The following CSMD1 variants were observed in gnomAD, a reference collection of about 807,000 sequenced individuals.
CSMD1 encodes CUB and sushi domain-containing protein 1.
A neutral mutation model predicts 417.5 loss-of-function variants in CSMD1; 213 were observed. That is an observed-to-expected ratio of 0.51 (90% CI 0.46 to 0.57). The LOEUF (loss-of-function observed/expected upper bound fraction) is 0.57. CSMD1 is among the 20% of genes least tolerant of loss of function. CSMD1 has a pLI of 0.00. For missense variants in CSMD1, 6,923 were observed against 4,529.7 expected (o/e 1.53, Z -15.17); for synonymous variants, 2,862 against 1,736.8 (o/e 1.65, Z -16.11).
intron 1 of CSMD1, among the ~76,000 whole-genome samples, chr8:4,980,004 T>C (rs1418947924): frequency 6.6e-6 from 1 of 152,104 alleles, no homozygotes; most frequent in African/African-American, 2.4e-5. Context: ...TGCACTGCAC[T>C]CCAGCCTGGG....
intron 3 of CSMD1, among the ~76,000 whole-genome samples, chr8:4,335,207 G>T (rs1253455246): frequency 6.6e-6 from 1 of 151,968 alleles, no homozygotes; most frequent in African/African-American, 2.4e-5. Context: ...GCTGGCCTGG[G>T]CTCTCTTTTC....
chr8:3,946,370 G>A (rs535914429), intron 5 of CSMD1, among the ~76,000 whole-genome samples: 82 of 152,066 alleles, frequency 5.4e-4, no homozygotes, highest in African/African-American at 1.8e-3. Flanking sequence ...GTATGTGCTG[G>A]CCTGTCTCTG....
intron 1 of CSMD1, among the ~76,000 whole-genome samples, chr8:4,763,176 G>C (rs1177578534): frequency 6.6e-6 from 1 of 152,170 alleles, no homozygotes; most frequent in Non-Finnish European, 1.5e-5. Context: ...CAATTTAACA[G>C]CTTAAAGATC....
intron 3 of CSMD1, among the ~76,000 whole-genome samples, chr8:4,037,254 T>A (rs376474896): frequency 1.7e-4 from 26 of 152,222 alleles, no homozygotes; most frequent in African/African-American, 5.8e-4. Context: ...GAACTTTACT[T>A]TTGTTTATAT....
intron 50 of CSMD1, among the ~76,000 whole-genome samples, chr8:3,030,305 A>G (rs189918123): frequency 3.0e-3 from 459 of 152,112 alleles, no homozygotes; most frequent in African/African-American, 0.01. Flanking sequence ...ACATTACACA[A>G]AATTAGAAAC....
intron 3 of CSMD1, among the ~76,000 whole-genome samples, chr8:4,339,802 C>T (rs747698630): frequency 2.0e-5 from 3 of 152,020 alleles, no homozygotes; most frequent in Non-Finnish European, 2.9e-5. Context: ...GGTGGGAGAA[C>T]CACTTGAGGC....
At chr8:4,954,364 C>T (rs1808947806) in intron 1 of CSMD1, among the ~76,000 whole-genome samples, 1 of 152,062 alleles carries the variant, frequency 6.6e-6, no homozygotes, top group Non-Finnish European at 1.5e-5. Flanking sequence ...ACTCTAAAGA[C>T]ACATTTTTTG....
intron 3 of CSMD1, among the ~76,000 whole-genome samples, chr8:4,279,664 T>G (rs999251616): frequency 6.6e-6 from 1 of 152,224 alleles, no homozygotes; most frequent in Admixed American, 6.5e-5. Context: ...CTTAACCCTG[T>G]TCAACTTATA....
intron 6 of CSMD1, among the ~76,000 whole-genome samples, chr8:3,708,767 C>T (rs1801325512): frequency 6.6e-6 from 1 of 152,304 alleles, no homozygotes; most frequent in South Asian, 2.1e-4. Flanking sequence ...ATCCTATTTA[C>T]CACTAGGAGT....
intron 3 of CSMD1, among the ~76,000 whole-genome samples, chr8:4,074,607 C>G (rs1167440907): frequency 6.6e-6 from 1 of 152,132 alleles, no homozygotes; most frequent in Non-Finnish European, 1.5e-5. Context: ...TTTCAAACTA[C>G]TGTCCTACAT....
intron 3 of CSMD1, among the ~76,000 whole-genome samples, chr8:4,096,168 A>T (rs1403676273): frequency 6.6e-6 from 1 of 152,122 alleles, no homozygotes; most frequent in Non-Finnish European, 1.5e-5. Context: ...TGACTAAGAG[A>T]TCAGTTTTTC....
intron 3 of CSMD1, among the ~76,000 whole-genome samples, chr8:4,041,519 T>C (rs553542715): frequency 1.3e-5 from 2 of 152,270 alleles, no homozygotes; most frequent in South Asian, 4.1e-4. Context: ...AGTGAAAGAA[T>C]GTTCAAGAAT....
intron 5 of CSMD1, among the ~76,000 whole-genome samples, chr8:3,863,485 T>G (rs1804868375): frequency 6.6e-6 from 1 of 151,678 alleles, no homozygotes; most frequent in Non-Finnish European, 1.5e-5. Flanking sequence ...TCTCCCTGCC[T>G]CTAAATACGA....
intron 12 of CSMD1, among the ~76,000 whole-genome samples, chr8:3,456,498 G>C (rs560598904): frequency 6.6e-6 from 1 of 152,324 alleles, no homozygotes; most frequent in Admixed American, 6.5e-5. Context: ...TGAAGGCCTT[G>C]TGAATGATGT....
intron 26 of CSMD1, among the ~76,000 whole-genome samples, chr8:3,244,221 T>A (rs1490616091): frequency 6.6e-6 from 1 of 152,196 alleles, no homozygotes; most frequent in Non-Finnish European, 1.5e-5. Flanking sequence ...ATTGCGAGGC[T>A]GGTGGAACAC....
chr8:4,960,993 A>G (rs911183238), intron 1 of CSMD1, among the ~76,000 whole-genome samples: 2 of 152,086 alleles, frequency 1.3e-5, no homozygotes, highest in Non-Finnish European at 1.5e-5. Flanking sequence ...ACATCCTAAC[A>G]TCATAGATGA....
Position 3,758,039 on chromosome 8 carries a change from C to A in CSMD1, c.819-3997G>T, listed in dbSNP as rs1398013431. Reference sequence around the variant, plus strand: ...ACTGCACTGGCACAATCTCAGCTCGCTGCAACCTCTGCCTCCCAGGTTCAA... The same window carrying A: ...ACTGCACTGGCACAATCTCAGCTCGATGCAACCTCTGCCTCCCAGGTTCAA... On this transcript the variant is annotated intron_variant, in intron 5 of 69. Coordinates refer to ENST00000635120, the MANE Select transcript of CSMD1 (RefSeq NM_033225.6). Among the ~76,000 whole-genome samples, 3 of 152,232 alleles carry A rather than the reference C, an allele frequency of 2.0e-5. No homozygotes were observed. The East Asian group carries it at 5.8e-4, about 30-fold the overall frequency.
At chr8:3,672,777 C>A (rs760376132) in intron 7 of CSMD1, among the ~76,000 whole-genome samples, 1 of 152,182 alleles carries the variant, frequency 6.6e-6, no homozygotes, top group Non-Finnish European at 1.5e-5. Flanking sequence ...ATATCAGGCT[C>A]TTCTCCTGGG....
At chr8:4,056,253 T>C (rs1235927605) in intron 3 of CSMD1, among the ~76,000 whole-genome samples, 2 of 151,834 alleles carry the variant, frequency 1.3e-5, no homozygotes, top group Non-Finnish European at 2.9e-5. Flanking sequence ...GGCTAATTTT[T>C]GTATTTTTTA....
Sources: gnomAD v4.1 joint callset for allele counts (sites outside exome capture counted in the v4.1 genomes callset) on GRCh38, gnomAD v4.1.1 for gene constraint, MANE v1.5 for transcripts, NCBI Gene and HGNC (gene_info 2026-07-23, HGNC 2026-07-21) for gene names.